Variants in SLC2A13 observed in about 807,000 individuals in gnomAD.
SLC2A13 encodes solute carrier family 2 member 13.
SLC2A13 carries 32 observed loss-of-function variants against 64.4 expected under a neutral mutation model. The observed-to-expected ratio is 0.50, with a 90% CI of 0.37 to 0.67. The LOEUF is 0.67. Among genes scored for constraint, SLC2A13 ranks in the 30% least tolerant of loss-of-function variants. The pLI is 0.00. For synonymous variants in SLC2A13, 338 were observed against 327.1 expected (o/e 1.03, Z -0.36); for missense variants, 743 against 829.2 (o/e 0.90, Z 1.28).
chr12:40,069,917 A>G lies in SLC2A13; in HGVS notation c.557-21707T>C, dbSNP rs1481653807. 1.8e-4 allele frequency among the ~76,000 whole-genome samples: 28 copies of G among 152,092 alleles called. 1 individual carries two copies. The highest frequency in any genetic ancestry group is 1.8e-3 in the Admixed American group (28 of 15,246). On this transcript the variant is annotated intron_variant, in intron 1 of 9. Coordinates refer to ENST00000280871, the MANE Select transcript of SLC2A13 (RefSeq NM_052885.4). The stretch of plus-strand genomic sequence containing the variant: ...TATATACAATCAGTTTAAGAGAGCT[A>G]TTTGTCATTGTTACAAAAACATTAC...
intron 7 of SLC2A13, among the ~76,000 whole-genome samples, chr12:39,823,061 G>A (rs779801824): frequency 6.6e-6 from 1 of 152,164 alleles, no homozygotes; most frequent in Non-Finnish European, 1.5e-5. Flanking sequence ...CTAGAGGCAT[G>A]TGATCTCTGA....
intron 7 of SLC2A13, among the ~76,000 whole-genome samples, chr12:39,793,382 G>C (rs375481909): frequency 6.6e-6 from 1 of 151,998 alleles, no homozygotes. Flanking sequence ...TATTGGTAAA[G>C]ACATCAATTC....
At chr12:40,087,109 A>G (rs1938611498) in intron 1 of SLC2A13, among the ~76,000 whole-genome samples, 1 of 152,094 alleles carries the variant, frequency 6.6e-6, no homozygotes, top group Admixed American at 6.6e-5. Context: ...ATCCTCCTCA[A>G]TCTTCCATAC....
At chr12:39,830,404 C>T (rs1371455714) in intron 6 of SLC2A13, 176 bp from the exon 7 acceptor site, 2 of 1,337,984 alleles carry the variant, frequency 1.5e-6, no homozygotes, top group African/African-American at 2.9e-5. Flanking sequence ...GCTGGCTGGT[C>T]TCTTCGATTT....
intron 1 of SLC2A13, among the ~76,000 whole-genome samples, chr12:40,072,244 A>G (rs186721330): frequency 2.0e-4 from 30 of 152,244 alleles, no homozygotes; most frequent in Admixed American, 1.7e-3. Context: ...GTTTAATTCC[A>G]TTGTAGCCTA....
At chr12:39,802,591 A>C (rs1292903268) in intron 7 of SLC2A13, among the ~76,000 whole-genome samples, 1 of 152,204 alleles carries the variant, frequency 6.6e-6, no homozygotes, top group African/African-American at 2.4e-5. Flanking sequence ...GAAAACTTGT[A>C]TGTTTCTGTG....
intron 4 of SLC2A13, among the ~76,000 whole-genome samples, chr12:39,944,796 A>C (rs1304590927): frequency 6.6e-6 from 1 of 152,140 alleles, no homozygotes; most frequent in Non-Finnish European, 1.5e-5. Context: ...TGCATTCTGC[A>C]GTTCTGTATC....
intron 7 of SLC2A13, among the ~76,000 whole-genome samples, chr12:39,790,175 T>G (rs913221833): frequency 6.6e-6 from 1 of 151,298 alleles, no homozygotes; most frequent in Non-Finnish European, 1.5e-5. Context: ...GAAGAAAGAA[T>G]TTTTTATTAG....
At chr12:40,048,423 T>C (rs1207219362) in intron 1 of SLC2A13, among the ~76,000 whole-genome samples, 1 of 152,160 alleles carries the variant, frequency 6.6e-6, no homozygotes, top group Non-Finnish European at 1.5e-5. Context: ...TTTCTTATTA[T>C]CACTTGAAAG....
At chr12:40,041,964 C>G (rs1034826782) in intron 2 of SLC2A13, among the ~76,000 whole-genome samples, 1 of 152,224 alleles carries the variant, frequency 6.6e-6, no homozygotes, top group Non-Finnish European at 1.5e-5. Context: ...GATCCTACCC[C>G]CTCCTGGTCT....
At chr12:39,992,624 T>G (rs1433700617) in intron 3 of SLC2A13, among the ~76,000 whole-genome samples, 2 of 152,156 alleles carry the variant, frequency 1.3e-5, no homozygotes, top group African/African-American at 2.4e-5. Context: ...GAAAGAGACA[T>G]CACTTAAGAT....
intron 7 of SLC2A13, among the ~76,000 whole-genome samples, chr12:39,766,086 T>C (rs541577561): frequency 2.8e-4 from 42 of 152,254 alleles, no homozygotes; most frequent in African/African-American, 9.9e-4. Flanking sequence ...ACTATTTTAC[T>C]TCAGACTTTG....
intron 4 of SLC2A13, among the ~76,000 whole-genome samples, chr12:39,887,486 A>G (rs1481826206): frequency 2.0e-5 from 3 of 152,204 alleles, no homozygotes; most frequent in Non-Finnish European, 4.4e-5. Context: ...GGGACTTTTC[A>G]CAACAGGGAT....
At chr12:40,010,895 G>A (rs1217524066) in intron 3 of SLC2A13, among the ~76,000 whole-genome samples, 1 of 152,158 alleles carries the variant, frequency 6.6e-6, no homozygotes, top group African/African-American at 2.4e-5. Flanking sequence ...AGCTGTGAGT[G>A]TGTTGTGTTT....
chr12:39,938,686 C>CTT lies in SLC2A13; in HGVS notation c.1034+12569_1034+12570dup, dbSNP rs57069142. 8.2e-4 allele frequency among the ~76,000 whole-genome samples: 120 copies of CTT among 145,774 alleles called. No homozygotes were observed. In the East Asian group the frequency reaches 0.016, roughly 19 times the overall value. On this transcript the variant is annotated intron_variant, in intron 4 of 9. Transcript: ENST00000280871. ...CACATGGTTAGCCAGGGATCATTGACTTTTTTTTTTTTTTTACTAAAAATG... is the reference window on the plus strand; with the variant it reads ...CACATGGTTAGCCAGGGATCATTGACTTTTTTTTTTTTTTTTTACTAAAAATG...
chr12:40,055,969 C>T (rs577902520), intron 1 of SLC2A13, among the ~76,000 whole-genome samples: 3 of 150,342 alleles, frequency 2.0e-5, no homozygotes, highest in Non-Finnish European at 3.0e-5. Flanking sequence ...ACAACACACT[C>T]CACAGGCCAA....
chr12:39,814,342 T>G (rs1026401454), intron 7 of SLC2A13, among the ~76,000 whole-genome samples: 2 of 152,210 alleles, frequency 1.3e-5, no homozygotes. Context: ...TTTGTACTGT[T>G]TTTAAAAACT....
intron 4 of SLC2A13, among the ~76,000 whole-genome samples, chr12:39,942,661 G>C (rs10877818): frequency 0.8 from 122,104 of 152,140 alleles, 49,117 homozygotes; most frequent in Admixed American, 0.83. Context: ...TTCCTCTAAC[G>C]TTTTTTCAAG....
At chr12:39,846,033 G>A (rs146629968) in intron 6 of SLC2A13, among the ~76,000 whole-genome samples, 157 of 152,174 alleles carry the variant, frequency 1.0e-3, no homozygotes, top group African/African-American at 3.7e-3. Context: ...TTTGCTTCTT[G>A]TCTTCAATGA....
Sources: gnomAD v4.1 joint callset for allele counts (sites outside exome capture counted in the v4.1 genomes callset) on GRCh38, gnomAD v4.1.1 for gene constraint, MANE v1.5 for transcripts, NCBI Gene and HGNC (gene_info 2026-07-23, HGNC 2026-07-21) for gene names.